Variants in CCDC191 observed in about 807,000 individuals in gnomAD.
CCDC191 encodes the protein coiled-coil domain-containing protein 191.
A neutral mutation model predicts 114.0 loss-of-function variants in CCDC191; 99 were observed. The ratio of observed to expected loss-of-function variants is 0.87; its 90% confidence interval spans 0.74 to 1.03. The LOEUF (loss-of-function observed/expected upper bound fraction) is 1.03. Ranked by LOEUF, CCDC191 falls within the 50% of genes least tolerant of loss-of-function variation. The probability of loss-of-function intolerance (pLI) is 0.00; values close to 1 mark genes in which losing one functional copy is unlikely to be tolerated. For missense variants in CCDC191, 973 were observed against 1,087.0 expected (o/e 0.90, Z 1.47); for synonymous variants, 351 against 376.0 (o/e 0.93, Z 0.77).
At chr3:114,038,501 T>A (rs1456255863) in intron 4 of CCDC191, among the ~76,000 whole-genome samples, 1 of 152,232 alleles carries the variant, frequency 6.6e-6, no homozygotes, top group Non-Finnish European at 1.5e-5. Flanking sequence ...CCACATTTTC[T>A]TTATCCAGTT....
chr3:114,006,587 GATATATATATAT>G lies in CCDC191; in HGVS notation c.1414-637_1414-626del, dbSNP rs67264886. Among the ~76,000 whole-genome samples, 14 of 82,620 alleles carry G rather than the reference GATATATATATAT, an allele frequency of 1.7e-4. No individual in the cohort carries two copies. The South Asian group carries it at 4.2e-3, about 25-fold the overall frequency. The allele number at this position is 82,620 out of a possible 152,430, so 54.2% of individuals were successfully genotyped here. A position where few individuals can be genotyped will look rare whatever the true frequency, so the allele number is the denominator to read the frequency against. The stretch of plus-strand genomic sequence containing the variant: ...TTGTGAATTAGGCAAGGTTACTCCA[GATATATATATAT>G]ATATATATATATATATATAAATATA... On this transcript the variant is annotated intron_variant, in intron 9 of 16. Coordinates refer to ENST00000295878, the MANE Select transcript of CCDC191 (RefSeq NM_020817.2).
intron 7 of CCDC191, among the ~76,000 whole-genome samples, chr3:114,027,592 A>T (rs1008205067): frequency 7.6e-6 from 1 of 131,200 alleles, no homozygotes; most frequent in African/African-American, 3.0e-5. Flanking sequence ...ACAGGGCAAG[A>T]CTCTGTCTCA....
rs531191883 is a variant in CCDC191 at position 113,998,007 on chromosome 3, T to C, written c.2163+3588A>G. ...CATTATTTTAGATTGTACTCCTTAA[T>C]TAAAAAAAAAAAAGTTGGCTGGGCG... On this transcript the variant is annotated intron_variant, in intron 13 of 16. Coordinates refer to ENST00000295878, the MANE Select transcript of CCDC191 (RefSeq NM_020817.2). Among the ~76,000 whole-genome samples the C allele has an allele frequency of 5.0e-3, 749 of 150,500 alleles. 8 individuals carry two copies. Among genetic ancestry groups the C allele is most frequent in the African/African-American group, 0.017 (707 of 40,834 alleles).
At chr3:114,053,483 C>A (rs758868863) in intron 2 of CCDC191, 114 bp downstream of exon 2, 6 of 515,466 alleles carry the variant, frequency 1.2e-5, no homozygotes, top group Middle Eastern at 5.0e-4. Flanking sequence ...CATAGTCACA[C>A]GGGAATAAAA....
intron 13 of CCDC191, among the ~76,000 whole-genome samples, chr3:113,994,356 A>G (rs1197444250): frequency 1.3e-5 from 2 of 152,196 alleles, no homozygotes; most frequent in African/African-American, 2.4e-5. Context: ...CTACACACCT[A>G]TTAGAACATA....
chr3:114,046,479 G>A, intron 3 of CCDC191, 112 bp downstream of exon 3: 1 of 739,780 alleles, frequency 1.4e-6, no homozygotes, highest in East Asian at 2.6e-5. Flanking sequence ...GGAGTAGAAA[G>A]AAAGGGAAAT....
At chr3:114,023,629 G>A (rs1044227285) in intron 7 of CCDC191, among the ~76,000 whole-genome samples, 9 of 152,158 alleles carry the variant, frequency 5.9e-5, no homozygotes, top group Non-Finnish European at 1.2e-4. Context: ...TTAATAAATG[G>A]TGCTGGGAAA....
At chr3:114,008,148 T>C (rs901205222) in intron 9 of CCDC191, among the ~76,000 whole-genome samples, 18 of 148,046 alleles carry the variant, frequency 1.2e-4, no homozygotes, top group Admixed American at 8.8e-4. Context: ...ATTTTTCTGT[T>C]TTGCACAGGT....
intron 13 of CCDC191, chr3:113,983,914 T>C (rs779247226): frequency 2.0e-5 from 3 of 151,986 alleles, no homozygotes; most frequent in Non-Finnish European, 4.4e-5. Flanking sequence ...TAAGAAGAGG[T>C]TAGATTATTA....
chr3:113,977,521 A>C (rs12639482), intron 16 of CCDC191, among the ~76,000 whole-genome samples: 10,228 of 143,530 alleles, frequency 0.071, 1,016 homozygotes, highest in African/African-American at 0.22. Flanking sequence ...GGATTAAATA[A>C]AACATAACTG....
chr3:114,018,933 A>T, intron 7 of CCDC191, 65 bp from the exon 8 acceptor site: 2 of 1,396,038 alleles, frequency 1.4e-6, no homozygotes, highest in Non-Finnish European at 2.0e-6. Flanking sequence ...TCTAACACTG[A>T]CAGCCCTCTC....
intron 4 of CCDC191, among the ~76,000 whole-genome samples, chr3:114,040,556 GA>G (rs987440418): frequency 2.1e-4 from 32 of 151,540 alleles, no homozygotes; most frequent in African/African-American, 2.7e-4. Context: ...AAAAATCAAA[GA>G]AAAAAATAAA....
At chr3:114,016,358 TTGCTTATTATTCAACAAG>T in intron 8 of CCDC191, among the ~76,000 whole-genome samples, 1 of 152,304 alleles carries the variant, frequency 6.6e-6, no homozygotes, top group African/African-American at 2.4e-5. Context: ...GTTCCCTGAC[TTGCTTATTATTCAACAAG>T]TATGGATTTG....
At chr3:113,975,100 G>T (rs904523313) in intron 16 of CCDC191, among the ~76,000 whole-genome samples, 3 of 152,108 alleles carry the variant, frequency 2.0e-5, no homozygotes, top group Non-Finnish European at 2.9e-5. Context: ...ATTTTCTGGG[G>T]TGTAGGTCTG....
intron 13 of CCDC191, among the ~76,000 whole-genome samples, chr3:113,991,781 A>G (rs2075575124): frequency 6.6e-6 from 1 of 152,254 alleles, no homozygotes; most frequent in Admixed American, 6.5e-5. Flanking sequence ...AATTTACAAA[A>G]GTACTTCTGG....
intron 2 of CCDC191, among the ~76,000 whole-genome samples, chr3:114,049,677 C>T (rs897030571): frequency 6.6e-5 from 10 of 152,158 alleles, no homozygotes; most frequent in Admixed American, 2.0e-4. Context: ...CAAATGTTTG[C>T]TTGGCTTTAA....
At chr3:113,966,094 G>A (rs1339956933) in intron 16 of CCDC191, among the ~76,000 whole-genome samples, 2 of 152,126 alleles carry the variant, frequency 1.3e-5, no homozygotes, top group Non-Finnish European at 2.9e-5. Context: ...CAAAAATGAT[G>A]GAAAATTGCG....
At chr3:114,049,405 G>C (rs1160283048) in intron 2 of CCDC191, among the ~76,000 whole-genome samples, 1 of 152,202 alleles carries the variant, frequency 6.6e-6, no homozygotes, top group East Asian at 1.9e-4. Flanking sequence ...ATGCACATAT[G>C]TAAATAACGT....
At chr3:113,972,845 T>C (rs1026914012) in intron 16 of CCDC191, among the ~76,000 whole-genome samples, 2 of 152,216 alleles carry the variant, frequency 1.3e-5, no homozygotes, top group Admixed American at 6.5e-5. Flanking sequence ...CTTTGACTTG[T>C]AGTCAGTTTT....
Sources: gnomAD v4.1 joint callset for allele counts (sites outside exome capture counted in the v4.1 genomes callset) on GRCh38, gnomAD v4.1.1 for gene constraint, MANE v1.5 for transcripts, NCBI Gene and HGNC (gene_info 2026-07-23, HGNC 2026-07-21) for gene names.